Variants in RBFOX1 observed in about 807,000 individuals in gnomAD.
The protein encoded by RBFOX1 is RNA binding fox-1 homolog 1, also known as RNA binding protein fox-1 homolog 1.
Under a neutral mutation model 57.7 loss-of-function variants are expected in RBFOX1, and 8 were observed. The observed-to-expected ratio is 0.14, with a 90% CI of 0.08 to 0.25. RBFOX1 has a LOEUF of 0.25. Among genes scored for constraint, RBFOX1 ranks in the 10% least tolerant of loss-of-function variants. The probability of loss-of-function intolerance (pLI) is 1.00; values close to 1 mark genes in which losing one functional copy is unlikely to be tolerated. For missense variants in RBFOX1, 611 were observed against 548.5 expected, an observed-to-expected ratio of 1.11 and a Z score of -1.14; for synonymous variants, 326 against 222.4, an observed-to-expected ratio of 1.47 and a Z score of -4.15.
intron 1 of RBFOX1, among the ~76,000 whole-genome samples, chr16:6,150,134 G>C (rs916311000): frequency 6.6e-6 from 1 of 152,164 alleles, no homozygotes; most frequent in African/African-American, 2.4e-5. Flanking sequence ...TGTGATGTTA[G>C]CAGCCTAGAG....
intron 5 of RBFOX1, among the ~76,000 whole-genome samples, chr16:7,578,579 G>C (rs536652245): frequency 2.2e-4 from 33 of 152,116 alleles, no homozygotes; most frequent in Non-Finnish European, 4.3e-4. Context: ...TCTCTCGGTC[G>C]TTATTATTTT....
intron 4 of RBFOX1, among the ~76,000 whole-genome samples, chr16:7,172,892 A>G (rs1173435206): frequency 6.6e-6 from 1 of 152,218 alleles, no homozygotes; most frequent in Non-Finnish European, 1.5e-5. Flanking sequence ...CTGACCTGCC[A>G]TGAGATTCCC....
chr16:7,431,179 C>T (rs950205061), intron 4 of RBFOX1: 4 of 152,114 alleles, frequency 2.6e-5, no homozygotes, highest in Non-Finnish European at 4.4e-5. Flanking sequence ...TGATTCCTTA[C>T]CTTAACTCTA....
At chr16:7,515,118 G>A (rs972603198) in intron 4 of RBFOX1, among the ~76,000 whole-genome samples, 10 of 152,160 alleles carry the variant, frequency 6.6e-5, no homozygotes, top group African/African-American at 2.2e-4. Context: ...CTCATCAGAT[G>A]ATTCCCAAGA....
At chr16:7,661,257 C>G (rs118127127) in intron 12 of RBFOX1, among the ~76,000 whole-genome samples, 2 of 152,280 alleles carry the variant, frequency 1.3e-5, no homozygotes, top group African/African-American at 2.4e-5. Context: ...TACATGTGCA[C>G]TTTGAAAACA....
At chr16:6,747,445 A>T (rs199961623) in intron 3 of RBFOX1, among the ~76,000 whole-genome samples, 70 of 83,288 alleles carry the variant, frequency 8.4e-4, no homozygotes, top group East Asian at 3.2e-3. Context: ...TCAGTCAGTT[A>T]GTCTGTCTGT....
intron 2 of RBFOX1, among the ~76,000 whole-genome samples, chr16:6,349,630 G>A (rs763867590): frequency 6.6e-6 from 1 of 152,128 alleles, no homozygotes; most frequent in Non-Finnish European, 1.5e-5. Context: ...GAGAGTGCAG[G>A]TACAGTCCTA....
chr16:6,443,356 T>A (rs1170879519), intron 2 of RBFOX1, among the ~76,000 whole-genome samples: 1 of 152,060 alleles, frequency 6.6e-6, no homozygotes, highest in African/African-American at 2.4e-5. Context: ...AAATGCCCCT[T>A]GTTTTATAAA....
chr16:7,062,075 T>C (rs941895103), intron 4 of RBFOX1, among the ~76,000 whole-genome samples: 1 of 151,872 alleles, frequency 6.6e-6, no homozygotes, highest in Non-Finnish European at 1.5e-5. Context: ...CCCAGCACTT[T>C]GGGAGGCTGA....
At chr16:6,029,512 G>A (rs181201680) in intron 1 of RBFOX1, among the ~76,000 whole-genome samples, 26 of 152,240 alleles carry the variant, frequency 1.7e-4, no homozygotes, top group African/African-American at 6.0e-4. Context: ...GGTGGCTCAC[G>A]CCTGTAATCC....
In RBFOX1 at chr16:5,647,226, C is replaced by T. The variant is rs532330393; in HGVS notation, c.318+48265C>T. Among the ~76,000 whole-genome samples, 40 of 152,258 alleles carry T rather than the reference C, an allele frequency of 2.6e-4. No homozygotes were observed. The South Asian group carries it at 7.0e-3, about 27-fold the overall frequency. ...TGAACCCCAGGTTTATGAAGCAAAA[C>T]AGTGAGGCAACAGGAGGTGAGGTCA... On this transcript the variant is annotated intron_variant, in intron 3 of 19. Transcript: ENST00000641259.
intron 4 of RBFOX1, among the ~76,000 whole-genome samples, chr16:7,332,461 C>T (rs1243710227): frequency 2.0e-5 from 3 of 152,028 alleles, no homozygotes; most frequent in African/African-American, 7.2e-5. Flanking sequence ...TATTTTTTTT[C>T]TATCAGTGCC....
Position 7,347,284 on chromosome 16 carries a change from T to C in RBFOX1, c.28-170863T>C, listed in dbSNP as rs148497166. Among the ~76,000 whole-genome samples, 19 of 152,296 alleles carry C rather than the reference T, an allele frequency of 1.2e-4. No homozygotes were observed. The East Asian group carries it at 3.7e-3, about 29-fold the overall frequency. On this transcript the variant is annotated intron_variant, in intron 4 of 15. Coordinates refer to ENST00000550418, the MANE Select transcript of RBFOX1 (RefSeq NM_018723.4). ...GCAAATGAGAGAGGCTTATTGGGCTTACAGTTCCAGGTGGCTGGGGAGCCC... is the reference window on the plus strand; with the variant it reads ...GCAAATGAGAGAGGCTTATTGGGCTCACAGTTCCAGGTGGCTGGGGAGCCC...
At chr16:5,436,742 G>A (rs1475803412) in intron 1 of RBFOX1, among the ~76,000 whole-genome samples, 2 of 152,014 alleles carry the variant, frequency 1.3e-5, no homozygotes, top group East Asian at 3.9e-4. Flanking sequence ...AAAGGCTGAG[G>A]CACGAGAATC....
chr16:6,973,837 T>C (rs1321561663), intron 3 of RBFOX1, among the ~76,000 whole-genome samples: 1 of 152,124 alleles, frequency 6.6e-6, no homozygotes, highest in Non-Finnish European at 1.5e-5. Flanking sequence ...GTTAAACAGG[T>C]AAACGTGTGC....
intron 2 of RBFOX1, among the ~76,000 whole-genome samples, chr16:5,479,076 G>C (rs539296550): frequency 6.6e-5 from 10 of 152,222 alleles, no homozygotes; most frequent in South Asian, 6.2e-4. Flanking sequence ...CAGGACCCTG[G>C]CTGCCACAAG....
intron 2 of RBFOX1, among the ~76,000 whole-genome samples, chr16:5,560,740 A>C (rs900824417): frequency 1.3e-5 from 2 of 152,118 alleles, no homozygotes; most frequent in African/African-American, 4.8e-5. Flanking sequence ...TGGACCTGCT[A>C]TTGGACTTCT....
chr16:7,176,882 G>A (rs1454377625), intron 4 of RBFOX1, among the ~76,000 whole-genome samples: 1 of 152,138 alleles, frequency 6.6e-6, no homozygotes, highest in Non-Finnish European at 1.5e-5. Flanking sequence ...GGAATGGGGG[G>A]AGAGGAAAAT....
chr16:6,186,917 C>G (rs1177481829), intron 1 of RBFOX1, among the ~76,000 whole-genome samples: 2 of 152,162 alleles, frequency 1.3e-5, no homozygotes, highest in African/African-American at 4.8e-5. Flanking sequence ...TCGCTCAATA[C>G]TCTCGTGGTT....
Sources: gnomAD v4.1 joint callset for allele counts (sites outside exome capture counted in the v4.1 genomes callset) on GRCh38, gnomAD v4.1.1 for gene constraint, MANE v1.5 for transcripts, NCBI Gene and HGNC (gene_info 2026-07-23, HGNC 2026-07-21) for gene names.